Variants in PLGRKT observed in about 807,000 individuals in gnomAD.
PLGRKT encodes the protein plasminogen receptor with a C-terminal lysine.
PLGRKT carries 22 observed loss-of-function variants against 18.5 expected under a neutral mutation model. The observed-to-expected ratio is 1.19, with a 90% CI of 0.85 to 1.70. PLGRKT has a LOEUF of 1.70. Ranked by LOEUF, PLGRKT falls within the 40% of genes most tolerant of loss-of-function variation. The probability of loss-of-function intolerance (pLI) is 0.00; values close to 1 mark genes in which losing one functional copy is unlikely to be tolerated. For missense variants in PLGRKT, 235 were observed against 174.4 expected (o/e 1.35, Z -1.96); for synonymous variants, 72 against 52.8 (o/e 1.36, Z -1.58).
intron 3 of PLGRKT, among the ~76,000 whole-genome samples, chr9:5,429,383 T>C (rs1818770120): frequency 6.6e-6 from 1 of 152,206 alleles, no homozygotes; most frequent in African/African-American, 2.4e-5. Flanking sequence ...ATTAGTTTGC[T>C]GGGGCTGCCA....
chr9:5,434,823 A>G (rs1238093383), intron 2 of PLGRKT, among the ~76,000 whole-genome samples: 1 of 152,164 alleles, frequency 6.6e-6, no homozygotes, highest in Non-Finnish European at 1.5e-5. Context: ...CTCCGAAGAG[A>G]CAGCGACCAT....
intron 3 of PLGRKT, among the ~76,000 whole-genome samples, chr9:5,362,319 G>T (rs536269491): frequency 7.5e-4 from 114 of 152,232 alleles, no homozygotes; most frequent in Non-Finnish European, 1.5e-3. Context: ...GTATTTATTT[G>T]CTCCATATCA....
chr9:5,408,324 T>G (rs763943509), intron 3 of PLGRKT, among the ~76,000 whole-genome samples: 1 of 152,140 alleles, frequency 6.6e-6, no homozygotes, highest in Non-Finnish European at 1.5e-5. Flanking sequence ...CAGATGGAAA[T>G]GAAAAACCTA....
chr9:5,359,799 T>A (rs547168179), intron 5 of PLGRKT, among the ~76,000 whole-genome samples: 21 of 152,332 alleles, frequency 1.4e-4, no homozygotes, highest in African/African-American at 5.0e-4. Flanking sequence ...CAGGATTCTG[T>A]GACAGCAGCA....
intron 3 of PLGRKT, among the ~76,000 whole-genome samples, chr9:5,380,180 C>T (rs1345978174): frequency 3.9e-5 from 6 of 151,922 alleles, no homozygotes; most frequent in Non-Finnish European, 7.4e-5. Context: ...CTGGCTAACA[C>T]GGTGAAACCC....
intron 5 of PLGRKT, among the ~76,000 whole-genome samples, chr9:5,359,327 GGT>G (rs1414504603): frequency 2.0e-5 from 3 of 152,158 alleles, no homozygotes; most frequent in Non-Finnish European, 4.4e-5. Flanking sequence ...TGGGATTACA[GGT>G]GTGAGCCACT....
chr9:5,362,515 A>C (rs561990506), intron 3 of PLGRKT, among the ~76,000 whole-genome samples: 117 of 152,362 alleles, frequency 7.7e-4, no homozygotes, highest in African/African-American at 2.7e-3. Context: ...GAAAATACTC[A>C]GGAGAAGCAA....
chr9:5,429,104 C>G (rs957867038), intron 3 of PLGRKT, among the ~76,000 whole-genome samples: 3 of 152,140 alleles, frequency 2.0e-5, no homozygotes, highest in Admixed American at 1.3e-4. Context: ...ACCTTTATAG[C>G]CAATTCAAGA....
chr9:5,393,518 G>C (rs898652694), intron 3 of PLGRKT, among the ~76,000 whole-genome samples: 1 of 151,564 alleles, frequency 6.6e-6, no homozygotes, highest in African/African-American at 2.4e-5. Flanking sequence ...AATTTAGTAA[G>C]GTCTCTCAAC....
chr9:5,381,347 C>G (rs1448980837), intron 3 of PLGRKT, among the ~76,000 whole-genome samples: 1 of 152,242 alleles, frequency 6.6e-6, no homozygotes, highest in African/African-American at 2.4e-5. Flanking sequence ...ACATGGTGCC[C>G]TGCATCCCAG....
chr9:5,359,266 C>T (rs1817208350), intron 5 of PLGRKT, among the ~76,000 whole-genome samples: 1 of 151,974 alleles, frequency 6.6e-6, no homozygotes, highest in South Asian at 2.1e-4. Context: ...TCATGTTGGA[C>T]AGGCTGGTCT....
chr9:5,419,519 G>A (rs544419882), intron 3 of PLGRKT, among the ~76,000 whole-genome samples: 4 of 152,210 alleles, frequency 2.6e-5, no homozygotes, highest in South Asian at 4.1e-4. Context: ...TATGGCCAGC[G>A]GCCGCCGCGA....
In PLGRKT at chr9:5,418,524, C is replaced by T. The variant is rs1818509143; in HGVS notation, c.81+13373G>A. ...CCATGCCCCGCCTGTCCTGCTCCTC[C>T]TCCGCCACCCCCTGGGGAGCCCTGC... On this transcript the variant is annotated intron_variant, in intron 3 of 5. Transcript: ENST00000223864. The surrounding 1 kb of genome is among the most constrained non-coding windows in gnomAD (Gnocchi z 4.2). 3.1e-6 allele frequency: 3 copies of T among 978,378 alleles called. No individual in the cohort carries two copies. The highest frequency in any genetic ancestry group is 3.2e-5 in the African/African-American group (2 of 63,216). The allele number at this position is 978,378 out of a possible 1,614,324, so 60.6% of individuals were successfully genotyped here.
chr9:5,421,370 T>A (rs1818572411), intron 3 of PLGRKT, among the ~76,000 whole-genome samples: 1 of 152,212 alleles, frequency 6.6e-6, no homozygotes, highest in South Asian at 2.1e-4. Context: ...GGGTTTCCCA[T>A]TCACCCACCC....
At chr9:5,429,544 G>A (rs1207185504) in intron 3 of PLGRKT, among the ~76,000 whole-genome samples, 3 of 152,228 alleles carry the variant, frequency 2.0e-5, no homozygotes, top group Non-Finnish European at 2.9e-5. Flanking sequence ...TCCTTGGCTT[G>A]TAAACAGCTG....
intron 3 of PLGRKT, among the ~76,000 whole-genome samples, chr9:5,389,176 G>A (rs1428706783): frequency 6.6e-6 from 1 of 151,928 alleles, no homozygotes; most frequent in African/African-American, 2.4e-5. Context: ...GATATCTTAA[G>A]ATTTACTTAG....
At position 5,361,740 on chromosome 9, in the gene PLGRKT, G is replaced by A; in HGVS notation, c.212+18C>T. Reference sequence around the variant, plus strand: ...AAAGAAGTAAATGACTGAAGAAAATGTTAAATAGCAAACATACCCAGCTGT... The same window carrying A: ...AAAGAAGTAAATGACTGAAGAAAATATTAAATAGCAAACATACCCAGCTGT... On this transcript the variant is annotated intron_variant, in intron 4 of 5. Coordinates refer to ENST00000223864, the MANE Select transcript of PLGRKT (RefSeq NM_018465.4). 1 of 1,588,698 alleles carries A rather than the reference G, an allele frequency of 6.3e-7. No homozygotes were observed. Among genetic ancestry groups the A allele is most frequent in the Non-Finnish European group, 8.5e-7 (1 of 1,172,378 alleles).
chr9:5,407,114 T>G (rs546167929), intron 3 of PLGRKT, among the ~76,000 whole-genome samples: 3 of 152,336 alleles, frequency 2.0e-5, no homozygotes, highest in African/African-American at 7.2e-5. Context: ...TATTTTTACT[T>G]TGGAGTACAT....
intron 3 of PLGRKT, among the ~76,000 whole-genome samples, chr9:5,366,080 A>C (rs10975072): frequency 1.3e-5 from 2 of 152,016 alleles, no homozygotes; most frequent in African/African-American, 4.8e-5. Flanking sequence ...AACTATTCTA[A>C]ATTTCATAAG....
Sources: gnomAD v4.1 joint callset for allele counts (sites outside exome capture counted in the v4.1 genomes callset) on GRCh38, gnomAD v4.1.1 for gene constraint, Gnocchi (gnomAD v3.1) non-coding constraint, MANE v1.5 for transcripts, NCBI Gene and HGNC (gene_info 2026-07-23, HGNC 2026-07-21) for gene names.